Variants in MEI1 observed in about 807,000 individuals in gnomAD.
MEI1 encodes meiosis inhibitor protein 1.
A neutral mutation model predicts 146.2 loss-of-function variants in MEI1; 103 were observed. The ratio of observed to expected loss-of-function variants is 0.70; its 90% CI spans 0.60 to 0.83. The LOEUF (loss-of-function observed/expected upper bound fraction) is 0.83, where lower values mean the gene tolerates loss of function less well. MEI1 is among the 40% of genes least tolerant of loss of function. The pLI is 0.00. For missense variants in MEI1, 1,529 were observed against 1,533.0 expected, an observed-to-expected ratio of 1.00 and a Z score of 0.04; for synonymous variants, 652 against 628.2, an observed-to-expected ratio of 1.04 and a Z score of -0.57.
At position 41,781,837 on chromosome 22, in the gene MEI1, A is replaced by G. The variant is rs139003476; in HGVS notation, c.3079A>G (p.Ser1027Gly). The G allele has an allele frequency of 1.7e-4, 267 of 1,613,916 alleles. 1 individual carries two copies. The African/African-American group carries it at 3.1e-3, about 19-fold the overall frequency. The change falls in exon 24 of 31, where the codon AGT becomes GGT. Residue 1027 changes from serine to glycine, a missense_variant. Around this residue, in one of 3 missense-constraint regions of MEI1, gnomAD observed 313 missense variants for 337.3 expected, o/e 0.93. Coordinates refer to ENST00000401548, the MANE Select transcript of MEI1 (RefSeq NM_152513.4). ...CTTCTCTGCCCAGCAGCACAAGGGC[A>G]GTTTGCAGGTTAGTCTTTAACTCCT... ...ASFSAQQHKGSLQVHQTLSVE... is the reference protein window; with the variant it reads ...ASFSAQQHKGGLQVHQTLSVE...
intron 9 of MEI1, among the ~76,000 whole-genome samples, chr22:41,731,319 C>G (rs1359333707): frequency 6.6e-6 from 1 of 151,898 alleles, no homozygotes; most frequent in Non-Finnish European, 1.5e-5. Context: ...TCCCAAAGTG[C>G]TGGATTACAG....
chr22:41,720,727 G>A (rs1365254760), intron 6 of MEI1, among the ~76,000 whole-genome samples: 1 of 151,488 alleles, frequency 6.6e-6, no homozygotes, highest in Non-Finnish European at 1.5e-5. Context: ...CTCCCGAGTA[G>A]CTGAGATTAC....
intron 3 of MEI1, among the ~76,000 whole-genome samples, chr22:41,706,363 A>G (rs2069094791): frequency 6.6e-6 from 1 of 152,306 alleles, no homozygotes; most frequent in South Asian, 2.1e-4. Flanking sequence ...ATACTGGATC[A>G]GGCACTACGG....
intron 20 of MEI1, among the ~76,000 whole-genome samples, chr22:41,772,366 G>T (rs758901691): frequency 6.6e-6 from 1 of 152,116 alleles, no homozygotes; most frequent in Non-Finnish European, 1.5e-5. Flanking sequence ...GAATTGGCTG[G>T]GCGTGGCAGC....
At chr22:41,784,893 CT>C in intron 26 of MEI1, 110 bp downstream of exon 26, 2 of 538,702 alleles carry the variant, frequency 3.7e-6, no homozygotes, top group Non-Finnish European at 2.7e-6. Context: ...TGGATTAAGA[CT>C]TTTTTAAAAA....
intron 16 of MEI1, 21 bp downstream of exon 16, chr22:41,752,672 G>A (rs1273933026): frequency 1.3e-6 from 2 of 1,581,216 alleles, no homozygotes; most frequent in Non-Finnish European, 1.7e-6. Context: ...TCCCAGGCAA[G>A]ATTGAGTGGC....
At chr22:41,759,285 G>A (rs1175437217) in intron 18 of MEI1, 1 of 152,040 alleles carries the variant, frequency 6.6e-6, no homozygotes. Flanking sequence ...CCTGAGGTCA[G>A]GAGTTTGAGA....
chr22:41,767,704 G>A (rs552312934), intron 19 of MEI1: 9 of 427,720 alleles, frequency 2.1e-5, no homozygotes, highest in Non-Finnish European at 4.4e-5. Context: ...CATGAGCTAG[G>A]TACCATGTGG....
chr22:41,771,042 G>A (rs2075152358), intron 20 of MEI1, 81 bp downstream of exon 20: 3 of 1,488,844 alleles, frequency 2.0e-6, no homozygotes, highest in Middle Eastern at 2.3e-4. Context: ...AGGTCAGGAG[G>A]CACCCACATC....
At chr22:41,779,592 A>T (rs976993446) in intron 22 of MEI1, among the ~76,000 whole-genome samples, 3 of 152,212 alleles carry the variant, frequency 2.0e-5, no homozygotes, top group African/African-American at 2.4e-5. Context: ...GTACTTTCCT[A>T]AACTAGGGTT....
intron 20 of MEI1, among the ~76,000 whole-genome samples, chr22:41,773,232 A>G (rs570355472): frequency 2.0e-4 from 31 of 152,282 alleles, no homozygotes; most frequent in African/African-American, 7.0e-4. Context: ...TTCACTTGGC[A>G]TAGAGCTTAA....
intron 11 of MEI1, among the ~76,000 whole-genome samples, chr22:41,735,062 C>T (rs1158744077): frequency 1.3e-5 from 2 of 148,886 alleles, no homozygotes; most frequent in African/African-American, 2.5e-5. Context: ...CCCAGGTTCA[C>T]GCCATTCTCC....
chr22:41,785,899 T>TA (rs1283241019), intron 26 of MEI1, among the ~76,000 whole-genome samples: 35 of 128,290 alleles, frequency 2.7e-4, no homozygotes, highest in South Asian at 7.7e-4. Flanking sequence ...TTTTTTATTT[T>TA]TTTATTTTTT....
intron 6 of MEI1, among the ~76,000 whole-genome samples, chr22:41,720,530 A>G (rs947087801): frequency 1.3e-5 from 2 of 151,752 alleles, no homozygotes; most frequent in Non-Finnish European, 2.9e-5. Context: ...TCCAGGGCTT[A>G]AATGATCTTC....
In MEI1 at chr22:41,795,791, C is replaced by T; in HGVS notation, c.3723C>T (p.Ser1241=). Residue 1241 remains serine, a synonymous_variant, in exon 30 of 31, where the codon TCC becomes TCT. Transcript: ENST00000401548. The surrounding 1 kb of genome is among the most constrained non-coding windows in gnomAD (Gnocchi z 4.2). ...GCATGGCCCAGACCCTGCAGGCCTC[C>T]TTGGAGGGCCTTCCCCCTAGCACCT... The part of the protein sequence containing the change: ...DHSMAQTLQA[S]LEGLPPSTSS... 2 of 1,613,712 alleles carry T rather than the reference C, an allele frequency of 1.2e-6. No homozygotes were observed. The highest frequency in any genetic ancestry group is 1.7e-6 in the Non-Finnish European group (2 of 1,179,752).
chr22:41,728,950 G>A (rs1489353493), intron 7 of MEI1, among the ~76,000 whole-genome samples: 2 of 151,930 alleles, frequency 1.3e-5, no homozygotes, highest in East Asian at 3.9e-4. Flanking sequence ...TGGATCACGA[G>A]GTCAGGAGTT....
At chr22:41,740,275 C>A (rs554068331) in intron 11 of MEI1, among the ~76,000 whole-genome samples, 1 of 152,156 alleles carries the variant, frequency 6.6e-6, no homozygotes, top group African/African-American at 2.4e-5. Context: ...GCCTCAGCCT[C>A]CCAAAGTGCT....
intron 4 of MEI1, 62 bp downstream of exon 4, chr22:41,714,137 A>C: frequency 2.1e-6 from 3 of 1,459,088 alleles, no homozygotes; most frequent in Non-Finnish European, 2.8e-6. Context: ...AGCTGGGTCA[A>C]CCCTTTGAAC....
chr22:41,744,744 C>T (rs62236783), intron 12 of MEI1, among the ~76,000 whole-genome samples: 5 of 13,074 alleles, frequency 3.8e-4, no homozygotes, highest in Non-Finnish European at 4.7e-4. Context: ...GTGATCCGCC[C>T]GCCTCGGCCT....
Sources: gnomAD v4.1 joint callset for allele counts (sites outside exome capture counted in the v4.1 genomes callset) on GRCh38, gnomAD v4.1.1 for gene constraint, gnomAD v4.1.1 regional missense constraint, Gnocchi (gnomAD v3.1) non-coding constraint, MANE v1.5 for transcripts, NCBI Gene and HGNC (gene_info 2026-07-23, HGNC 2026-07-21) for gene names.